Variants in FARS2 observed in about 807,000 individuals in gnomAD.
FARS2 encodes phenylalanine--tRNA ligase, mitochondrial.
In FARS2, 40 loss-of-function variants were observed where a neutral mutation model predicts 46.4. The ratio of observed to expected loss-of-function variants is 0.86; its 90% CI spans 0.67 to 1.12. The LOEUF is 1.12. Ranked by LOEUF, FARS2 falls within the 50% of genes most tolerant of loss-of-function variation. The probability of loss-of-function intolerance (pLI) is 0.00; values close to 1 mark genes in which losing one functional copy is unlikely to be tolerated. For missense variants in FARS2, 513 were observed against 567.9 expected, an observed-to-expected ratio of 0.90 and a Z score of 0.98; for synonymous variants, 234 against 214.9, an observed-to-expected ratio of 1.09 and a Z score of -0.78.
chr6:5,600,641 G>A (rs1774456951), intron 5 of FARS2, among the ~76,000 whole-genome samples: 1 of 152,160 alleles, frequency 6.6e-6, no homozygotes, highest in Admixed American at 6.5e-5. Flanking sequence ...ATTTTTTATA[G>A]GTAAAGCTGA....
chr6:5,468,064 G>A (rs1235635667), intron 4 of FARS2, among the ~76,000 whole-genome samples: 5 of 152,216 alleles, frequency 3.3e-5, no homozygotes, highest in Non-Finnish European at 7.3e-5. Flanking sequence ...GGACCTGAGA[G>A]AGCATCTTGT....
intron 1 of FARS2, among the ~76,000 whole-genome samples, chr6:5,314,991 C>T (rs1769345261): frequency 6.6e-6 from 1 of 152,180 alleles, no homozygotes; most frequent in African/African-American, 2.4e-5. Flanking sequence ...ATACAAAAAT[C>T]TGAATTTACA....
At chr6:5,597,181 A>G (rs1459732594) in intron 5 of FARS2, among the ~76,000 whole-genome samples, 1 of 152,242 alleles carries the variant, frequency 6.6e-6, no homozygotes, top group Admixed American at 6.5e-5. Flanking sequence ...TTGACCCAAC[A>G]GATGGCCAAA....
intron 3 of FARS2, among the ~76,000 whole-genome samples, chr6:5,430,142 CA>C (rs1466433208): frequency 6.6e-6 from 1 of 152,030 alleles, no homozygotes; most frequent in Non-Finnish European, 1.5e-5. Flanking sequence ...AGTCCTTTAG[CA>C]AAGTGTTGCC....
At chr6:5,585,010 CT>C (rs1157548067) in intron 5 of FARS2, among the ~76,000 whole-genome samples, 6 of 152,156 alleles carry the variant, frequency 3.9e-5, no homozygotes, top group African/African-American at 1.4e-4. Context: ...TAATATCCTT[CT>C]TCCCATATTC....
intron 1 of FARS2, among the ~76,000 whole-genome samples, chr6:5,266,477 G>A (rs969052116): frequency 2.0e-5 from 3 of 151,878 alleles, no homozygotes; most frequent in African/African-American, 4.8e-5. Flanking sequence ...GCCAGCCTGG[G>A]TAACATAGCG....
intron 6 of FARS2, among the ~76,000 whole-genome samples, chr6:5,633,858 G>A (rs1289654598): frequency 1.3e-5 from 2 of 152,066 alleles, no homozygotes; most frequent in Admixed American, 1.3e-4. Flanking sequence ...TTTACAAACA[G>A]TAAAAATCTC....
chr6:5,453,003 G>A (rs146624260), intron 4 of FARS2, among the ~76,000 whole-genome samples: 1 of 152,248 alleles, frequency 6.6e-6, no homozygotes, highest in African/African-American at 2.4e-5. Flanking sequence ...GGATGGGAGT[G>A]GAAACCGTTC....
intron 3 of FARS2, among the ~76,000 whole-genome samples, chr6:5,409,056 T>C (rs567867177): frequency 6.6e-5 from 10 of 152,228 alleles, no homozygotes; most frequent in Non-Finnish European, 1.5e-4. Context: ...CAAATGCAGA[T>C]GTCAGGTTTC....
At chr6:5,750,192 C>T (rs1301801583) in intron 6 of FARS2, among the ~76,000 whole-genome samples, 1 of 151,916 alleles carries the variant, frequency 6.6e-6, no homozygotes, top group Non-Finnish European at 1.5e-5. Context: ...AAGAGTGGGG[C>T]AGGGAAATCT....
chr6:5,530,475 T>G (rs1173911616), intron 4 of FARS2, among the ~76,000 whole-genome samples: 1 of 152,024 alleles, frequency 6.6e-6, no homozygotes, highest in African/African-American at 2.4e-5. Flanking sequence ...GAATATGGAT[T>G]GCAGATAAGG....
chr6:5,759,747 C>G (rs937228701), intron 6 of FARS2, among the ~76,000 whole-genome samples: 1 of 152,084 alleles, frequency 6.6e-6, no homozygotes, highest in African/African-American at 2.4e-5. Context: ...AGGAGAAACA[C>G]AGGACACACT....
At chr6:5,634,067 T>G (rs1331180512) in intron 6 of FARS2, among the ~76,000 whole-genome samples, 1 of 152,200 alleles carries the variant, frequency 6.6e-6, no homozygotes, top group East Asian at 1.9e-4. Context: ...TGCAAGAAGT[T>G]CTTATCCATC....
At position 5,654,797 on chromosome 6, in the gene FARS2, C is replaced by T. The variant is rs890184062; in HGVS notation, c.1217+41477C>T. On this transcript the variant is annotated intron_variant, in intron 6 of 6. Transcript: ENST00000274680. ...GGCCCACTTATACGTGGATTTTCTT[C>T]CGCCTCTGCCACCCCTAAGACAGCA... 3.3e-5 allele frequency among the ~76,000 whole-genome samples: 5 copies of T among 152,142 alleles called. No individual in the cohort carries two copies. The East Asian group carries it at 7.7e-4, about 23-fold the overall frequency.
intron 6 of FARS2, among the ~76,000 whole-genome samples, chr6:5,754,360 G>A (rs1343967366): frequency 1.3e-5 from 2 of 152,230 alleles, no homozygotes; most frequent in Non-Finnish European, 2.9e-5. Context: ...CAGGACAGGA[G>A]ATCAGCTCTC....
chr6:5,292,034 C>T (rs1205823982), intron 1 of FARS2, among the ~76,000 whole-genome samples: 1 of 151,922 alleles, frequency 6.6e-6, no homozygotes, highest in African/African-American at 2.4e-5. Flanking sequence ...TTACCTAACC[C>T]AGACAGATCG....
rs111399257 is a variant in FARS2, at chr6:5,732,812, C to CA, written c.1218-38466dup. 2.6e-3 allele frequency among the ~76,000 whole-genome samples: 376 copies of CA among 144,726 alleles called. 5 individuals are homozygous for CA. Among genetic ancestry groups the CA allele is most frequent in the East Asian group, 8.7e-3 (43 of 4,946 alleles). The allele number at this position is 144,726 out of a possible 152,430, so 94.9% of individuals were successfully genotyped here. ...ATAGGTAGGACCTTTTCATATCCTTCAAAAAAAAAAAAATCAGGCATGATT... is the reference window on the plus strand; with the variant it reads ...ATAGGTAGGACCTTTTCATATCCTTCAAAAAAAAAAAAAATCAGGCATGATT... On this transcript the variant is annotated intron_variant, in intron 6 of 6. Coordinates refer to ENST00000274680, the MANE Select transcript of FARS2 (RefSeq NM_006567.5).
Position 5,368,688 on chromosome 6 carries a change from G to C in FARS2, c.118G>C (p.Glu40Gln). 2.5e-6 allele frequency: 4 copies of C among 1,614,200 alleles called. No individual in the cohort carries two copies. The highest frequency in any genetic ancestry group is 3.4e-6 in the Non-Finnish European group (4 of 1,180,042). Residue 40 changes from glutamate (E) to glutamine (Q), a missense_variant, in exon 2 of 7, where the codon GAG becomes CAG. Physicochemically the swap from Glu to Gln is conservative, Grantham distance 29. Coordinates refer to ENST00000274680, the MANE Select transcript of FARS2 (RefSeq NM_006567.5). ...CTGGGGATCGAGGCCTCCTGCAGCA[G>C]AGTGTGCCACCCAAAGAGCTCCAGG... ...QAWGSRPPAA[E>Q]CATQRAPGSV...
At chr6:5,687,472 T>C (rs1442554776) in intron 6 of FARS2, among the ~76,000 whole-genome samples, 2 of 152,230 alleles carry the variant, frequency 1.3e-5, no homozygotes, top group African/African-American at 4.8e-5. Context: ...TCCCCATTGC[T>C]TGTTTTTCTC....
Sources: allele counts gnomAD v4.1 joint callset (sites outside exome capture counted in the v4.1 genomes callset), GRCh38; gene constraint gnomAD v4.1.1; transcripts MANE v1.5; gene names NCBI Gene and HGNC (gene_info 2026-07-23, HGNC 2026-07-21).